The following JAK1 variants were observed in gnomAD, a reference collection of about 807,000 sequenced individuals.
JAK1 encodes tyrosine-protein kinase JAK1.
In JAK1, 16 loss-of-function variants were observed where a neutral mutation model predicts 136.6. The ratio of observed to expected loss-of-function variants is 0.12; its 90% CI spans 0.08 to 0.18. The LOEUF (loss-of-function observed/expected upper bound fraction) is 0.18. Ranked by LOEUF, JAK1 falls within the 10% of genes least tolerant of loss-of-function variation. The pLI is 1.00. For missense variants in JAK1, 859 were observed against 1,450.1 expected (o/e 0.59, Z 6.62); for synonymous variants, 492 against 519.5 (o/e 0.95, Z 0.72).
chr1:64,932,231 G>A (rs1645708308), intron 1 of JAK1, among the ~76,000 whole-genome samples: 1 of 152,200 alleles, frequency 6.6e-6, no homozygotes, highest in East Asian at 1.9e-4. Flanking sequence ...TGGCCAACAT[G>A]GCGAAACCCT....
At chr1:65,011,973 G>A (rs1242012388) in intron 2 of JAK1, among the ~76,000 whole-genome samples, 1 of 152,208 alleles carries the variant, frequency 6.6e-6, no homozygotes, top group African/African-American at 2.4e-5. Context: ...GCCCAGAAGA[G>A]GAAAGAGAGC....
At chr1:64,849,084 G>C (rs1262997256) in intron 12 of JAK1, among the ~76,000 whole-genome samples, 1 of 152,168 alleles carries the variant, frequency 6.6e-6, no homozygotes, top group African/African-American at 2.4e-5. Flanking sequence ...CATGCTGTCA[G>C]GATTCTGCAG....
intron 2 of JAK1, among the ~76,000 whole-genome samples, chr1:64,988,986 G>GTA (rs1170473866): frequency 6.6e-5 from 6 of 90,246 alleles, no homozygotes; most frequent in African/African-American, 2.5e-4. Flanking sequence ...ATGTATATGT[G>GTA]TGTGTGTGTG....
intron 1 of JAK1, among the ~76,000 whole-genome samples, chr1:65,054,225 G>T (rs977044111): frequency 2.6e-5 from 4 of 151,992 alleles, no homozygotes; most frequent in African/African-American, 9.7e-5. Context: ...CAACAAATAG[G>T]AAAACTATTC....
chr1:65,024,447 G>T (rs1646961131), intron 2 of JAK1, among the ~76,000 whole-genome samples: 2 of 151,986 alleles, frequency 1.3e-5, no homozygotes, highest in African/African-American at 4.8e-5. Context: ...TTTAAATTGG[G>T]TCATTTGTCT....
intron 4 of JAK1, among the ~76,000 whole-genome samples, chr1:64,875,045 A>G (rs1439971062): frequency 1.3e-5 from 2 of 152,146 alleles, no homozygotes; most frequent in African/African-American, 4.8e-5. Context: ...TACAAGTTAT[A>G]TTTCTCAACT....
At chr1:64,985,661 G>A in intron 2 of JAK1, 1 of 727,176 alleles carries the variant, frequency 1.4e-6, no homozygotes, top group East Asian at 2.6e-5. Flanking sequence ...CAATAGGTGA[G>A]ATGTCTCCGA....
Position 64,869,491 on chromosome 1 carries a change from G to A in JAK1, c.484-17C>T, listed in dbSNP as rs2101132747. 1.2e-6 allele frequency: 2 copies of A among 1,610,268 alleles called. No homozygotes were observed. Among genetic ancestry groups the A allele is most frequent in the Non-Finnish European group, 1.7e-6 (2 of 1,177,510 alleles). ...ATACTGTCCCTAGGAGCAAGGGGGA[G>A]AAACCATGAGAGCCCACCCGTTTTT... is the stretch of plus-strand genomic sequence containing the variant. On this transcript the variant is annotated splice_polypyrimidine_tract_variant and intron_variant, in intron 5 of 24. Coordinates refer to ENST00000342505, the MANE Select transcript of JAK1 (RefSeq NM_002227.4).
intron 12 of JAK1, 55 bp from the exon 13 acceptor site, chr1:64,847,730 C>T (rs996066734): frequency 8.2e-5 from 130 of 1,587,766 alleles, no homozygotes; most frequent in Middle Eastern, 2.0e-4. Context: ...AGTGATGGAC[C>T]GTCTGGGAAT....
intron 2 of JAK1, among the ~76,000 whole-genome samples, chr1:65,018,873 T>A (rs900905688): frequency 1.3e-5 from 2 of 151,924 alleles, no homozygotes; most frequent in Non-Finnish European, 2.9e-5. Flanking sequence ...TAGCCGGGCG[T>A]GGTGGCGGGC....
intron 4 of JAK1, among the ~76,000 whole-genome samples, chr1:64,876,663 T>G (rs1239325782): frequency 2.0e-5 from 3 of 152,052 alleles, no homozygotes; most frequent in Admixed American, 6.6e-5. Context: ...AAATTAATTA[T>G]AAAGGTGCTC....
intron 1 of JAK1, among the ~76,000 whole-genome samples, chr1:65,053,053 A>AAAAAG (rs1553185113): frequency 7.5e-5 from 10 of 133,716 alleles, no homozygotes; most frequent in African/African-American, 2.0e-4. Flanking sequence ...AAAAAAAAAA[A>AAAAAG]AAAGACTAGA....
chr1:65,006,744 T>C (rs569421674), intron 2 of JAK1, among the ~76,000 whole-genome samples: 28 of 152,324 alleles, frequency 1.8e-4, no homozygotes, highest in African/African-American at 6.5e-4. Flanking sequence ...ACTTACCATA[T>C]TAGCTGAACC....
In JAK1 at chr1:64,841,441, C is replaced by T. The variant is rs774929222; in HGVS notation, c.2554+10G>A. On this transcript the variant is annotated intron_variant, in intron 18 of 24. Coordinates refer to ENST00000342505, the MANE Select transcript of JAK1 (RefSeq NM_002227.4). ...CAAGCTGGGTTAAAGCAGCACATGG[C>T]AGGTCTTACTCTGCTCTTCAAGCTT... The T allele has an allele frequency of 1.9e-6, 3 of 1,614,166 alleles. No individual in the cohort carries two copies. Among genetic ancestry groups the T allele is most frequent in the Admixed American group, 1.7e-5 (1 of 60,026 alleles).
chr1:65,016,625 G>A (rs549817003), intron 2 of JAK1, among the ~76,000 whole-genome samples: 1 of 151,882 alleles, frequency 6.6e-6, no homozygotes, highest in Admixed American at 6.6e-5. Flanking sequence ...TAGGCTGGGT[G>A]CAGTGGCTCA....
intron 1 of JAK1, among the ~76,000 whole-genome samples, chr1:65,050,372 G>C (rs6588109): frequency 0.62 from 95,061 of 152,138 alleles, 30,559 homozygotes; most frequent in South Asian, 0.72. Context: ...GTCAGGAAAA[G>C]GTCTCTGAGG....
At chr1:65,010,309 T>TTC (rs146058654) in intron 2 of JAK1, among the ~76,000 whole-genome samples, 5 of 151,030 alleles carry the variant, frequency 3.3e-5, no homozygotes, top group East Asian at 1.9e-4. Flanking sequence ...CGCACGCTCA[T>TTC]TCTCTCTCTC....
At chr1:64,943,658 C>G (rs12144928) in intron 1 of JAK1, among the ~76,000 whole-genome samples, 1 of 151,964 alleles carries the variant, frequency 6.6e-6, no homozygotes, top group South Asian at 2.1e-4. Context: ...CAAAAGGTCT[C>G]TCAAACATGA....
At chr1:64,836,427 G>C (rs917978918) in intron 22 of JAK1, among the ~76,000 whole-genome samples, 1 of 151,984 alleles carries the variant, frequency 6.6e-6, no homozygotes, top group Non-Finnish European at 1.5e-5. Flanking sequence ...TCGGTAGCAC[G>C]TATCTGCCCT....
Sources: allele counts gnomAD v4.1 joint callset (sites outside exome capture counted in the v4.1 genomes callset), GRCh38; gene constraint gnomAD v4.1.1; transcripts MANE v1.5; gene names NCBI Gene and HGNC (gene_info 2026-07-23, HGNC 2026-07-21).